KIAA2012: variants seen among roughly 807,000 people sequenced by gnomAD.
The protein encoded by KIAA2012 is uncharacterized protein KIAA2012.
In KIAA2012, 125 loss-of-function variants were observed where a neutral mutation model predicts 150.6. The observed-to-expected ratio is 0.83, with a 90% CI of 0.72 to 0.96. The LOEUF (loss-of-function observed/expected upper bound fraction) is 0.96. KIAA2012 is among the 40% of genes least tolerant of loss of function. The probability of loss-of-function intolerance (pLI) is 0.00; values close to 1 mark genes in which losing one functional copy is unlikely to be tolerated. For missense variants in KIAA2012, 1,219 were observed against 1,354.9 expected, an observed-to-expected ratio of 0.90 and a Z score of 1.57; for synonymous variants, 462 against 504.7, an observed-to-expected ratio of 0.92 and a Z score of 1.13.
chr2:202,174,355 C>T (rs544259656), intron 15 of KIAA2012, among the ~76,000 whole-genome samples: 8 of 151,918 alleles, frequency 5.3e-5, no homozygotes, highest in South Asian at 4.2e-4. Flanking sequence ...CTAGCCAGAA[C>T]GGTAAAGAAA....
chr2:202,113,013 G>A (rs1444076778), intron 10 of KIAA2012, among the ~76,000 whole-genome samples: 1 of 152,132 alleles, frequency 6.6e-6, no homozygotes, highest in African/African-American at 2.4e-5. Flanking sequence ...TGAAGGAAGG[G>A]ACTCCCTTTC....
At chr2:202,113,482 T>G in intron 11 of KIAA2012, 36 bp downstream of exon 11, 1 of 1,468,266 alleles carries the variant, frequency 6.8e-7, no homozygotes, top group African/African-American at 1.4e-5. Context: ...CTTGTTTTTT[T>G]TTTTTCAAAG....
rs200771150 is a variant in KIAA2012 at position 202,199,881 on chromosome 2, T to TC, written c.3408-2547dup. Among the ~76,000 whole-genome samples, 444 of 149,942 alleles carry TC rather than the reference T, an allele frequency of 3.0e-3. 19 individuals are homozygous for TC. Among genetic ancestry groups the TC allele is most frequent in the Admixed American group, 0.026 (386 of 15,006 alleles). On this transcript the variant is annotated intron_variant, in intron 22 of 23. Transcript: ENST00000498697. ...TCTTAATTTGGCTTTAAACCATCAA[T>TC]CAGGCTTTTGAAATGCATCTTCCTC... is the stretch of plus-strand genomic sequence containing the variant.
At chr2:202,073,970 G>T (rs1689265579) in intron 1 of KIAA2012, among the ~76,000 whole-genome samples, 1 of 151,710 alleles carries the variant, frequency 6.6e-6, no homozygotes, top group Admixed American at 6.6e-5. Context: ...CAGATTGTCT[G>T]GAATTTGGAT....
chr2:202,187,175 GATTGCTCACTAT>G, intron 17 of KIAA2012, 77 bp downstream of exon 17: 1 of 1,471,888 alleles, frequency 6.8e-7, no homozygotes, highest in Non-Finnish European at 9.1e-7. Context: ...CAGTTGTATA[GATTGCTCACTAT>G]ATGAGGGCAC....
Position 202,121,687 on chromosome 2 carries a change from G to A in KIAA2012, c.1763-3527G>A, listed in dbSNP as rs115111897. On this transcript the variant is annotated intron_variant, in intron 11 of 23. Coordinates refer to ENST00000498697, the MANE Select transcript of KIAA2012 (RefSeq NM_001277372.4). ...TCACTTACGTGGTAAGGGCAGAGCT[G>A]GGCTTCATTCCCAGGCCTGTCTGTC... is the stretch of plus-strand genomic sequence containing the variant. Among the ~76,000 whole-genome samples, 267 of 152,302 alleles carry A rather than the reference G, an allele frequency of 1.8e-3. 2 individuals carry two copies. Among genetic ancestry groups the A allele is most frequent in the African/African-American group, 5.3e-3 (219 of 41,566 alleles).
At chr2:202,159,204 T>C (rs922155675) in intron 14 of KIAA2012, among the ~76,000 whole-genome samples, 1 of 152,184 alleles carries the variant, frequency 6.6e-6, no homozygotes, top group Non-Finnish European at 1.5e-5. Context: ...CATCCAAAGA[T>C]GGAGCAGGGT....
chr2:202,162,601 T>TA (rs1186523524), intron 14 of KIAA2012, among the ~76,000 whole-genome samples: 1 of 149,800 alleles, frequency 6.7e-6, no homozygotes, highest in Non-Finnish European at 1.5e-5. Context: ...TTTTTTTTTT[T>TA]ACTTACTACA....
chr2:202,138,340 C>A (rs1283203919), intron 12 of KIAA2012, 92 bp from the exon 13 acceptor site: 1 of 586,208 alleles, frequency 1.7e-6, no homozygotes, highest in Non-Finnish European at 2.7e-6. Context: ...TACATATGAA[C>A]TAGGTGTGTG....
Position 202,105,853 on chromosome 2 carries a change from T to C in KIAA2012, c.1417T>C (p.Trp473Arg). 3 of 1,550,830 alleles carry C rather than the reference T, an allele frequency of 1.9e-6. No homozygotes were observed. Among genetic ancestry groups the C allele is most frequent in the Non-Finnish European group, 2.6e-6 (3 of 1,147,044 alleles). ...GAAGCATGCGTCCTTAGAAACACCA[T>C]GGGAGTTAACAGTGCATCTCCCAGT... ...PLKHASLETP[W>R]ELTVHLPVDA... is the part of the protein sequence containing the mutation. Residue 473 changes from tryptophan to arginine, a missense_variant, in exon 9 of 24, where the codon TGG becomes CGG. Trp to Arg is a moderately radical substitution (Grantham distance 101). Transcript: ENST00000498697.
chr2:202,174,744 A>G (rs180844988), intron 15 of KIAA2012, among the ~76,000 whole-genome samples: 92 of 152,290 alleles, frequency 6.0e-4, no homozygotes, highest in African/African-American at 2.1e-3. Flanking sequence ...TTAGGCTCAT[A>G]TCATTTTATT....
At chr2:202,162,581 C>CTTTTT (rs890834084) in intron 14 of KIAA2012, among the ~76,000 whole-genome samples, 5 of 120,840 alleles carry the variant, frequency 4.1e-5, no homozygotes, top group African/African-American at 9.1e-5. Context: ...GGCCCAGAGT[C>CTTTTT]TTTTTTTTTT....
chr2:202,195,064 A>C (rs1318156420), intron 21 of KIAA2012, among the ~76,000 whole-genome samples: 1 of 151,948 alleles, frequency 6.6e-6, no homozygotes, highest in Non-Finnish European at 1.5e-5. Flanking sequence ...CACCGTGCTC[A>C]GCCCAATTAT....
Position 202,133,135 on chromosome 2 carries a change from T to A in KIAA2012, c.1832-5297T>A, listed in dbSNP as rs1325811963. Reference sequence around the variant, plus strand: ...ATATATATATATATATATATATTTTTTTTTTTTCTGGAGAATGGAGACCAC... The same window carrying A: ...ATATATATATATATATATATATTTTATTTTTTTCTGGAGAATGGAGACCAC... On this transcript the variant is annotated intron_variant, in intron 12 of 23. Transcript: ENST00000498697. 2.1e-4 allele frequency among the ~76,000 whole-genome samples: 28 copies of A among 130,934 alleles called. 1 individual carries two copies. Among genetic ancestry groups the A allele is most frequent in the African/African-American group, 8.2e-4 (28 of 34,292 alleles). The allele number at this position is 130,934 out of a possible 152,430, so 85.9% of individuals were successfully genotyped here.
At chr2:202,203,771 TC>T (rs1338063241) in intron 23 of KIAA2012, among the ~76,000 whole-genome samples, 2 of 137,396 alleles carry the variant, frequency 1.5e-5, no homozygotes, top group Admixed American at 7.2e-5. Context: ...TACCAGGATG[TC>T]TTTTTTTTTT....
Position 202,090,867 on chromosome 2 carries a change from G to C in KIAA2012, c.467G>C (p.Arg156Thr). The C allele has an allele frequency of 3.2e-6, 5 of 1,550,586 alleles. No individual in the cohort carries two copies. Among genetic ancestry groups the C allele is most frequent in the Non-Finnish European group, 4.4e-6 (5 of 1,146,962 alleles). The change falls in exon 3 of 24, where the codon AGA becomes ACA. Residue 156 changes from arginine to threonine, a missense_variant. Transcript: ENST00000498697. ...RQIQPGHSAK[R>T]YLRGLLRTWP... ...ATCCAGCCAGGGCATTCAGCCAAGA[G>C]ATACCTCCGAGGCCTCCTGCGGACT...
At chr2:202,169,554 A>G (rs1361378550) in intron 15 of KIAA2012, among the ~76,000 whole-genome samples, 1 of 152,222 alleles carries the variant, frequency 6.6e-6, no homozygotes, top group Non-Finnish European at 1.5e-5. Context: ...CAATGCCCTC[A>G]TTAACCTGAT....
intron 14 of KIAA2012, among the ~76,000 whole-genome samples, chr2:202,156,679 ATCGAGACCAGCC>A (rs1320982929): frequency 6.6e-6 from 1 of 152,124 alleles, no homozygotes; most frequent in East Asian, 1.9e-4. Flanking sequence ...AGGTCAGGAG[ATCGAGACCAGCC>A]TGGCTAACAC....
intron 14 of KIAA2012, among the ~76,000 whole-genome samples, chr2:202,156,379 G>A (rs930177032): frequency 7.2e-5 from 11 of 152,144 alleles, no homozygotes; most frequent in South Asian, 6.2e-4. Flanking sequence ...ATTATGAATC[G>A]TACTTTCTGG....
Sources: allele counts gnomAD v4.1 joint callset (sites outside exome capture counted in the v4.1 genomes callset), GRCh38; gene constraint gnomAD v4.1.1; transcripts MANE v1.5; gene names NCBI Gene and HGNC (gene_info 2026-07-23, HGNC 2026-07-21).